PARP8: variants seen among roughly 807,000 people sequenced by gnomAD.
PARP8 encodes poly(ADP-ribose) polymerase family member 8, also known as protein mono-ADP-ribosyltransferase PARP8.
PARP8 carries 51 observed loss-of-function variants against 124.1 expected under a neutral mutation model. The ratio of observed to expected loss-of-function variants is 0.41; its 90% confidence interval spans 0.33 to 0.52. PARP8 has a LOEUF of 0.52. Among genes scored for constraint, PARP8 ranks in the 20% least tolerant of loss-of-function variants. The probability of loss-of-function intolerance (pLI) is 0.21; values close to 1 mark genes in which losing one functional copy is unlikely to be tolerated. For missense variants in PARP8, 860 were observed against 1,018.9 expected, an observed-to-expected ratio of 0.84 and a Z score of 2.12; for synonymous variants, 391 against 361.5, an observed-to-expected ratio of 1.08 and a Z score of -0.93.
At chr5:50,762,952 A>T (rs562196379) in intron 6 of PARP8, among the ~76,000 whole-genome samples, 196 bp from the exon 7 acceptor site, 1 of 152,364 alleles carries the variant, frequency 6.6e-6, no homozygotes, top group African/African-American at 2.4e-5. Context: ...TTGTATTAAT[A>T]TAAACTAACT....
chr5:50,811,918 T>C (rs1443952823), intron 14 of PARP8, among the ~76,000 whole-genome samples: 2 of 152,204 alleles, frequency 1.3e-5, no homozygotes, highest in East Asian at 3.9e-4. Context: ...GGACATGAAC[T>C]CATCCTTTTT....
At chr5:50,830,171 A>G (rs1442669533) in intron 22 of PARP8, among the ~76,000 whole-genome samples, 2 of 152,198 alleles carry the variant, frequency 1.3e-5, no homozygotes, top group Non-Finnish European at 2.9e-5. Context: ...TGTTTCATCA[A>G]TTTAAAAAAA....
At chr5:50,831,580 C>T (rs1035203374) in intron 22 of PARP8, among the ~76,000 whole-genome samples, 2 of 152,094 alleles carry the variant, frequency 1.3e-5, no homozygotes, top group African/African-American at 4.8e-5. Flanking sequence ...TAAAATCAGA[C>T]TCTAAATCTT....
At position 50,829,933 on chromosome 5, in the gene PARP8, A is replaced by G; in HGVS notation, c.2205A>G (p.Pro735=). 6.2e-7 allele frequency: 1 copy of G among 1,609,392 alleles called. No individual in the cohort carries two copies. The highest frequency in any genetic ancestry group is 8.5e-7 in the Non-Finnish European group (1 of 1,177,452). ...AMYGSGIYLS[P]MSSISFGYSG... ...ATGGAAGTGGAATCTATCTTAGTCC[A>G]ATGTCAAGCATATCATTTGGTTACT... Residue 735 remains proline, a synonymous_variant, in exon 22 of 26, where the codon CCA becomes CCG. Transcript: ENST00000281631.
intron 2 of PARP8, among the ~76,000 whole-genome samples, chr5:50,696,484 C>T (rs1181892131): frequency 6.6e-6 from 1 of 152,106 alleles, no homozygotes; most frequent in Admixed American, 6.5e-5. Flanking sequence ...ATAAGGCAGC[C>T]ATAATTATAT....
At chr5:50,670,500 T>C (rs573029012) in intron 2 of PARP8, among the ~76,000 whole-genome samples, 3 of 152,386 alleles carry the variant, frequency 2.0e-5, no homozygotes, top group African/African-American at 7.2e-5. Context: ...ACATTTATAC[T>C]TTTAATTTTT....
intron 2 of PARP8, among the ~76,000 whole-genome samples, chr5:50,692,686 TA>T (rs967817831): frequency 1.4e-4 from 21 of 152,056 alleles, no homozygotes; most frequent in Admixed American, 9.8e-4. Flanking sequence ...CATAGGCTGG[TA>T]AAAAAATAAT....
chr5:50,711,679 C>T (rs1325256975), intron 2 of PARP8, among the ~76,000 whole-genome samples: 3 of 152,086 alleles, frequency 2.0e-5, no homozygotes, highest in Admixed American at 1.3e-4. Flanking sequence ...CTCCTCACCC[C>T]GCCCTAAACC....
chr5:50,812,006 G>A (rs1233307831), intron 14 of PARP8, among the ~76,000 whole-genome samples: 1 of 152,120 alleles, frequency 6.6e-6, no homozygotes, highest in African/African-American at 2.4e-5. Context: ...CATTTGGGTT[G>A]GTTCCAAGTC....
intron 14 of PARP8, among the ~76,000 whole-genome samples, chr5:50,800,233 C>T (rs762220548): frequency 7.9e-5 from 12 of 152,020 alleles, no homozygotes; most frequent in Admixed American, 2.6e-4. Flanking sequence ...ATTTTCAGAA[C>T]GTTCTTTGCT....
chr5:50,782,696 C>CTT (rs1740804370), intron 9 of PARP8, among the ~76,000 whole-genome samples: 1 of 152,184 alleles, frequency 6.6e-6, no homozygotes, highest in Non-Finnish European at 1.5e-5. Context: ...AGATGAACTG[C>CTT]CCAATCTCAG....
intron 22 of PARP8, 42 bp from the exon 23 acceptor site, chr5:50,832,739 G>C: frequency 1.9e-6 from 3 of 1,594,006 alleles, no homozygotes; most frequent in Non-Finnish European, 2.6e-6. Flanking sequence ...AGCTGCATCA[G>C]ACAGCTTTGT....
chr5:50,809,489 T>C (rs555609761), intron 14 of PARP8, among the ~76,000 whole-genome samples: 11 of 152,198 alleles, frequency 7.2e-5, no homozygotes, highest in Admixed American at 4.6e-4. Context: ...TAAATACTTA[T>C]CTTTGTATAC....
rs74334916 is a variant in PARP8 at position 50,783,769 on chromosome 5, A to C, written c.671-4754A>C. On this transcript the variant is annotated intron_variant, in intron 9 of 25. Coordinates refer to ENST00000281631, the MANE Select transcript of PARP8 (RefSeq NM_024615.4). ...GCACATACTCATCTTCATCATTTCA[A>C]TTGCGTGGCTCTACTTATTAGAATT... Among the ~76,000 whole-genome samples the C allele has an allele frequency of 2.9e-3, 439 of 152,282 alleles. 7 individuals are homozygous for C. The East Asian group carries it at 0.074, about 26-fold the overall frequency.
intron 3 of PARP8, 50 bp from the exon 4 acceptor site, chr5:50,759,593 G>A (rs1760329022): frequency 3.5e-6 from 5 of 1,439,062 alleles, no homozygotes; most frequent in African/African-American, 1.5e-5. Context: ...TGTAAAGGAT[G>A]TATTTTTTAA....
chr5:50,708,894 G>C (rs551709086), intron 2 of PARP8, among the ~76,000 whole-genome samples: 1 of 151,980 alleles, frequency 6.6e-6, no homozygotes, highest in Non-Finnish European at 1.5e-5. Flanking sequence ...CAATTCTCCT[G>C]CTTCAGCCTC....
rs116287045 is a variant in PARP8, at chr5:50,733,747, T to A, written c.147-16404T>A. Among the ~76,000 whole-genome samples, 1,110 of 151,556 alleles carry A rather than the reference T, an allele frequency of 7.3e-3. 11 individuals are homozygous for A. Among genetic ancestry groups the A allele is most frequent in the Middle Eastern group, 0.017 (5 of 294 alleles). ...TAATGTTTTTACATCATATTCAAAC[T>A]TTTTTTTTGTCATGTGAGGCTTCAT... On this transcript the variant is annotated intron_variant, in intron 2 of 25. Transcript: ENST00000281631.
chr5:50,712,690 T>C (rs1443865584), intron 2 of PARP8, among the ~76,000 whole-genome samples: 1 of 151,972 alleles, frequency 6.6e-6, no homozygotes, highest in Non-Finnish European at 1.5e-5. Flanking sequence ...GCAAACATTA[T>C]AGTATAATGT....
chr5:50,803,351 A>C (rs1743449137), intron 14 of PARP8, among the ~76,000 whole-genome samples: 1 of 152,126 alleles, frequency 6.6e-6, no homozygotes, highest in Non-Finnish European at 1.5e-5. Flanking sequence ...GTTTCTTGGA[A>C]GTGTAGATTA....
Sources: allele counts gnomAD v4.1 joint callset (sites outside exome capture counted in the v4.1 genomes callset), GRCh38; gene constraint gnomAD v4.1.1; transcripts MANE v1.5; gene names NCBI Gene and HGNC (gene_info 2026-07-23, HGNC 2026-07-21).